ITPK1: variants seen among roughly 807,000 people sequenced by gnomAD.
The protein encoded by ITPK1 is inositol 1,3,4-trisphosphate 5/6-kinase.
In ITPK1, 21 loss-of-function variants were observed where a neutral mutation model predicts 45.3. The ratio of observed to expected loss-of-function variants is 0.46; its 90% CI spans 0.33 to 0.67. The LOEUF (loss-of-function observed/expected upper bound fraction) is 0.67. ITPK1 is among the 30% of genes least tolerant of loss of function. The pLI, the probability that ITPK1 is intolerant of heterozygous loss-of-function variation, is 0.02. For missense variants in ITPK1, 474 were observed against 573.5 expected (o/e 0.83, Z 1.77); for synonymous variants, 258 against 253.6 (o/e 1.02, Z -0.16).
At chr14:93,028,577 G>C (rs1399239263) in intron 3 of ITPK1, among the ~76,000 whole-genome samples, 2 of 152,168 alleles carry the variant, frequency 1.3e-5, no homozygotes, top group Non-Finnish European at 2.9e-5. Context: ...TTCCTCACTG[G>C]TACAATACAG....
intron 5 of ITPK1, among the ~76,000 whole-genome samples, chr14:92,972,863 T>A (rs1423648317): frequency 6.6e-6 from 1 of 152,190 alleles, no homozygotes; most frequent in Admixed American, 6.5e-5. Flanking sequence ...AGTGTTGGGA[T>A]TACAGGCATG....
intron 3 of ITPK1, among the ~76,000 whole-genome samples, chr14:93,075,578 G>A (rs1290093858): frequency 6.6e-6 from 1 of 152,144 alleles, no homozygotes; most frequent in Non-Finnish European, 1.5e-5. Flanking sequence ...GCCCCAGTCT[G>A]GTCCCAGGAG....
chr14:93,019,062 G>C (rs1888338081), intron 3 of ITPK1, among the ~76,000 whole-genome samples: 1 of 152,224 alleles, frequency 6.6e-6, no homozygotes, highest in Non-Finnish European at 1.5e-5. Context: ...AGAGGCCATG[G>C]GCAGAGAACA....
At chr14:93,077,326 C>T (rs8005396) in intron 2 of ITPK1, among the ~76,000 whole-genome samples, 2,177 of 151,616 alleles carry the variant, frequency 0.014, 49 homozygotes, top group African/African-American at 0.05. Flanking sequence ...TGACCCATTT[C>T]TTTTTTTTTG....
intron 2 of ITPK1, among the ~76,000 whole-genome samples, chr14:93,077,708 C>T (rs1382935828): frequency 6.6e-6 from 1 of 152,124 alleles, no homozygotes; most frequent in Non-Finnish European, 1.5e-5. Context: ...GGCCCTGGTG[C>T]CCACCTCCCA....
chr14:93,100,665 C>T, intron 2 of ITPK1, among the ~76,000 whole-genome samples: 1 of 152,030 alleles, frequency 6.6e-6, no homozygotes, highest in Middle Eastern at 3.2e-3. Context: ...ACTCAGGAAC[C>T]AATACATCCC....
At chr14:93,055,222 G>A (rs117829467) in intron 3 of ITPK1, among the ~76,000 whole-genome samples, 1,941 of 152,310 alleles carry the variant, frequency 0.013, 22 homozygotes, top group South Asian at 0.019. Context: ...ATGGGCATGC[G>A]TGCTGTCTCC....
chr14:93,026,668 T>C (rs539049045), intron 3 of ITPK1, among the ~76,000 whole-genome samples: 135 of 152,362 alleles, frequency 8.9e-4, no homozygotes, highest in Non-Finnish European at 1.4e-3. Context: ...CACACATTGC[T>C]GCACTGTTTG....
At chr14:92,974,644 G>A (rs752284398) in intron 5 of ITPK1, among the ~76,000 whole-genome samples, 21 of 152,256 alleles carry the variant, frequency 1.4e-4, no homozygotes, top group Non-Finnish European at 2.6e-4. Context: ...GGCATCGGGC[G>A]TAAGGACACA....
At chr14:93,020,370 C>T (rs1364827316) in intron 3 of ITPK1, among the ~76,000 whole-genome samples, 1 of 152,244 alleles carries the variant, frequency 6.6e-6, no homozygotes, top group Non-Finnish European at 1.5e-5. Context: ...AAACCCATCT[C>T]CAATCCACTG....
chr14:92,966,470 C>T (rs984814377), intron 5 of ITPK1, among the ~76,000 whole-genome samples: 1 of 152,190 alleles, frequency 6.6e-6, no homozygotes, highest in Non-Finnish European at 1.5e-5. Context: ...TGGAAAGACA[C>T]ACAAGGCTCA....
chr14:93,073,116 A>G (rs1041689501), intron 3 of ITPK1, among the ~76,000 whole-genome samples: 1 of 152,210 alleles, frequency 6.6e-6, no homozygotes, highest in African/African-American at 2.4e-5. Flanking sequence ...CCCAGTGCCA[A>G]TTACTTCACC....
At chr14:93,085,620 C>T (rs939220800) in intron 2 of ITPK1, among the ~76,000 whole-genome samples, 1 of 152,156 alleles carries the variant, frequency 6.6e-6, no homozygotes, top group African/African-American at 2.4e-5. Context: ...GACTCCCCTC[C>T]TCAGTTCAAT....
chr14:93,096,232 TGAC>T (rs1892074892), intron 2 of ITPK1, among the ~76,000 whole-genome samples: 1 of 152,248 alleles, frequency 6.6e-6, no homozygotes, highest in Non-Finnish European at 1.5e-5. Flanking sequence ...TTTCTGCGAC[TGAC>T]TCCTTTCTGA....
chr14:93,035,145 G>C (rs547292984), intron 3 of ITPK1, among the ~76,000 whole-genome samples: 30 of 152,362 alleles, frequency 2.0e-4, no homozygotes, highest in Non-Finnish European at 3.8e-4. Flanking sequence ...CTAGGATGCT[G>C]ATCTGTGGGA....
chr14:92,953,569 G>A (rs1888060571), intron 8 of ITPK1, among the ~76,000 whole-genome samples: 1 of 152,244 alleles, frequency 6.6e-6, no homozygotes, highest in South Asian at 2.1e-4. Context: ...TCAGCCCCCT[G>A]AGCTCAGGGC....
rs147722637 is a variant in ITPK1 at position 92,956,100 on chromosome 14, C to T, written c.670+2101G>A. ...CTCCTTTTTAGCTCTGTGTGTTTCT[C>T]TACTATTTGGGCTTAGTCTGCTTTT... On this transcript the variant is annotated intron_variant, in intron 8 of 10. Transcript: ENST00000267615. Among the ~76,000 whole-genome samples the T allele has an allele frequency of 9.0e-3, 1,344 of 149,880 alleles. 14 individuals are homozygous for T. The highest frequency in any genetic ancestry group is 0.031 in the African/African-American group (1,262 of 40,882).
chr14:93,041,609 A>T (rs1229871529), intron 3 of ITPK1, among the ~76,000 whole-genome samples: 1 of 152,230 alleles, frequency 6.6e-6, no homozygotes, highest in Non-Finnish European at 1.5e-5. Flanking sequence ...GCAGGCAGGC[A>T]GGCAAGGCCC....
intron 3 of ITPK1, among the ~76,000 whole-genome samples, chr14:93,024,706 T>A (rs1297982424): frequency 6.6e-6 from 1 of 152,148 alleles, no homozygotes; most frequent in Non-Finnish European, 1.5e-5. Flanking sequence ...AATCTCCATG[T>A]CCTTAGGAGG....
Sources: allele counts gnomAD v4.1 joint callset (sites outside exome capture counted in the v4.1 genomes callset), GRCh38; gene constraint gnomAD v4.1.1; transcripts MANE v1.5; gene names NCBI Gene and HGNC (gene_info 2026-07-23, HGNC 2026-07-21).